Variants in PCDH15 observed in about 807,000 individuals in gnomAD.
PCDH15 encodes protocadherin-15.
A neutral mutation model predicts 178.5 loss-of-function variants in PCDH15; 129 were observed. That is an observed-to-expected ratio of 0.72 (90% CI 0.63 to 0.84). The LOEUF is 0.84. Among genes scored for constraint, PCDH15 ranks in the 40% least tolerant of loss-of-function variants. The pLI, the probability that PCDH15 is intolerant of heterozygous loss-of-function variation, is 0.00. For missense variants in PCDH15, 2,230 were observed against 2,099.9 expected (o/e 1.06, Z -1.21); for synonymous variants, 800 against 732.0 (o/e 1.09, Z -1.50).
chr10:54,594,566 T>C (rs2092097459), intron 2 of PCDH15, among the ~76,000 whole-genome samples: 1 of 152,112 alleles, frequency 6.6e-6, no homozygotes, highest in Non-Finnish European at 1.5e-5. Flanking sequence ...ACCCTGTGTA[T>C]ACATATAAGA....
chr10:55,098,895 T>A lies in PCDH15; in HGVS notation c.-80+67681A>T, dbSNP rs1012865787. 1.6e-4 allele frequency among the ~76,000 whole-genome samples: 19 copies of A among 120,192 alleles called. 1 individual carries two copies. The highest frequency in any genetic ancestry group is 5.1e-4 in the African/African-American group (15 of 29,238). The allele number at this position is 120,192 out of a possible 152,430, so 78.9% of individuals were successfully genotyped here. Reference sequence around the variant, plus strand: ...ATGTGTTCTTTCATTAAAACTTCAATGAGAGAGAGAGAGAGAGAGAGAGAG... The same window carrying A: ...ATGTGTTCTTTCATTAAAACTTCAAAGAGAGAGAGAGAGAGAGAGAGAGAG... On this transcript the variant is annotated intron_variant, in intron 2 of 5. Transcript: ENST00000458638.
chr10:55,578,937 G>T (rs1017206859), intron 2 of PCDH15, among the ~76,000 whole-genome samples: 1 of 152,118 alleles, frequency 6.6e-6, no homozygotes, highest in African/African-American at 2.4e-5. Flanking sequence ...TAGCATGTGG[G>T]ATTTATGGGA....
At chr10:54,295,916 G>T (rs964283846) in intron 8 of PCDH15, among the ~76,000 whole-genome samples, 1 of 150,934 alleles carries the variant, frequency 6.6e-6, no homozygotes, top group Non-Finnish European at 1.5e-5. Flanking sequence ...AGGCCGAGGC[G>T]GGCGGATCAC....
chr10:54,070,132 C>T (rs1471048395), intron 17 of PCDH15, among the ~76,000 whole-genome samples: 1 of 152,140 alleles, frequency 6.6e-6, no homozygotes, highest in Non-Finnish European at 1.5e-5. Flanking sequence ...CTTAGAATTT[C>T]CTTTTGTAAT....
intron 2 of PCDH15, among the ~76,000 whole-genome samples, chr10:55,327,369 A>G (rs1418241302): frequency 6.6e-6 from 1 of 152,080 alleles, no homozygotes; most frequent in Non-Finnish European, 1.5e-5. Context: ...TTTGAATGAA[A>G]TAATATAGAC....
intron 1 of PCDH15, among the ~76,000 whole-genome samples, chr10:55,231,101 G>A (rs920475284): frequency 3.3e-5 from 5 of 151,882 alleles, no homozygotes; most frequent in South Asian, 4.1e-4. Flanking sequence ...ACTAATATAC[G>A]TAGCCAGAAT....
rs537340852 is a variant in PCDH15, at chr10:54,762,166, C to G, written c.-29+38759G>C. Among the ~76,000 whole-genome samples, 64 of 149,112 alleles carry G rather than the reference C, an allele frequency of 4.3e-4. 2 individuals carry two copies. Among genetic ancestry groups the G allele is most frequent in the African/African-American group, 1.5e-3 (59 of 40,680 alleles). Reference sequence around the variant, plus strand: ...GAGCATATTAATCATAACCATATAGCAAGAATATTACAGATTAAAATTGTC... The same window carrying G: ...GAGCATATTAATCATAACCATATAGGAAGAATATTACAGATTAAAATTGTC... On this transcript the variant is annotated intron_variant, in intron 1 of 37. Coordinates refer to ENST00000644397, the MANE Select transcript of PCDH15 (RefSeq NM_001384140.1).
chr10:55,413,325 C>T (rs1838390948), intron 2 of PCDH15, among the ~76,000 whole-genome samples: 1 of 151,212 alleles, frequency 6.6e-6, no homozygotes, highest in African/African-American at 2.4e-5. Context: ...TTTTCATGGA[C>T]TTTATGCTGT....
At chr10:54,746,035 T>G (rs1429028808) in intron 1 of PCDH15, among the ~76,000 whole-genome samples, 2 of 152,172 alleles carry the variant, frequency 1.3e-5, no homozygotes, top group Admixed American at 1.3e-4. Context: ...CATAAATAAT[T>G]CTTATTTTCC....
At chr10:54,999,393 A>G (rs1839737826) in intron 2 of PCDH15, among the ~76,000 whole-genome samples, 3 of 152,196 alleles carry the variant, frequency 2.0e-5, no homozygotes, top group East Asian at 3.8e-4. Context: ...TTTAAATGGT[A>G]TTTATGTTCA....
chr10:54,860,817 G>A (rs1012713318), intron 3 of PCDH15, among the ~76,000 whole-genome samples: 1 of 152,102 alleles, frequency 6.6e-6, no homozygotes, highest in Non-Finnish European at 1.5e-5. Flanking sequence ...TAATATATTG[G>A]TTATTTGTGG....
intron 3 of PCDH15, among the ~76,000 whole-genome samples, chr10:54,431,495 G>A (rs978572487): frequency 6.6e-6 from 1 of 152,072 alleles, no homozygotes; most frequent in African/African-American, 2.4e-5. Flanking sequence ...ACAGAATGAA[G>A]GGCAAAAACT....
At chr10:54,421,446 G>T (rs369029964) in intron 3 of PCDH15, among the ~76,000 whole-genome samples, 1 of 138,092 alleles carries the variant, frequency 7.2e-6, no homozygotes. Context: ...TAGTGAGCTG[G>T]ACTATATAAA....
rs1183387517 is a variant in PCDH15 at position 53,866,044 on chromosome 10, C to T, written c.3717+598G>A. ...CCCTTTCAAATGATCTATCACTAAA[C>T]TTCTGCACTGCCTAAGTGAAAATTA... is the stretch of plus-strand genomic sequence containing the variant. On this transcript the variant is annotated intron_variant, in intron 27 of 37. Transcript: ENST00000644397. Among the ~76,000 whole-genome samples the T allele has an allele frequency of 5.3e-5, 8 of 152,198 alleles. No individual in the cohort carries two copies. The East Asian group carries it at 1.5e-3, about 29-fold the overall frequency.
intron 3 of PCDH15, among the ~76,000 whole-genome samples, chr10:54,497,260 T>C (rs1226594209): frequency 2.0e-5 from 3 of 146,684 alleles, no homozygotes; most frequent in African/African-American, 7.6e-5. Context: ...AAAAAAACCC[T>C]CAAGGGCACC....
chr10:55,402,108 T>C (rs1002635523), intron 2 of PCDH15, among the ~76,000 whole-genome samples: 3 of 144,128 alleles, frequency 2.1e-5, no homozygotes, highest in Non-Finnish European at 4.7e-5. Flanking sequence ...TGGTGTTTCA[T>C]ACAGATCCTG....
chr10:53,807,577 A>G (rs563956949), intron 37 of PCDH15, among the ~76,000 whole-genome samples: 4 of 152,268 alleles, frequency 2.6e-5, no homozygotes, highest in Non-Finnish European at 4.4e-5. Context: ...AAACCACATC[A>G]TTCTAATTTT....
chr10:54,749,979 A>G (rs1945991516), intron 1 of PCDH15, among the ~76,000 whole-genome samples: 1 of 152,026 alleles, frequency 6.6e-6, no homozygotes, highest in Non-Finnish European at 1.5e-5. Flanking sequence ...TCATACTTTA[A>G]AAGAAATTTA....
At chr10:54,500,702 C>T (rs544700039) in intron 3 of PCDH15, among the ~76,000 whole-genome samples, 12 of 151,954 alleles carry the variant, frequency 7.9e-5, no homozygotes, top group Middle Eastern at 3.4e-3. Flanking sequence ...TGGTGGTGCA[C>T]GCCTGTAATT....
Sources: allele counts gnomAD v4.1 joint callset (sites outside exome capture counted in the v4.1 genomes callset), GRCh38; gene constraint gnomAD v4.1.1; transcripts MANE v1.5; gene names NCBI Gene and HGNC (gene_info 2026-07-23, HGNC 2026-07-21).